The following OR14I1 variants were observed in gnomAD, a reference collection of about 807,000 sequenced individuals.
OR14I1 encodes the protein olfactory receptor 14I1.
For missense variants in OR14I1, 279 were observed against 181.8 expected (o/e 1.53, Z -3.07); for synonymous variants, 118 against 71.1 (o/e 1.66, Z -3.32).
chr1:248,682,143 G>A (rs767656857), exon 1 of OR14I1: 3 of 781,080 alleles, frequency 3.8e-6, no homozygotes, highest in Non-Finnish European at 4.8e-6. Context: ...ACATGGGTGT[G>A]TGAAGATGCT....
the OR14I1 span, among the ~76,000 whole-genome samples, chr1:248,695,998 G>A: frequency 6.6e-6 from 1 of 152,168 alleles, no homozygotes; most frequent in African/African-American, 2.4e-5. Context: ...CAACTGTGAA[G>A]GCCATCGCGA....
the OR14I1 span, among the ~76,000 whole-genome samples, chr1:248,688,914 C>A: frequency 6.6e-6 from 1 of 152,174 alleles, no homozygotes; most frequent in Non-Finnish European, 1.5e-5. Flanking sequence ...TTTGAAACTT[C>A]CATTTTTTTT....
chr1:248,683,491 T>C (rs1661595913), upstream of OR14I1, among the ~76,000 whole-genome samples: 1 of 152,240 alleles, frequency 6.6e-6, no homozygotes, highest in South Asian at 2.1e-4. Context: ...ATTTCATTAA[T>C]GATAAACTCT....
exon 1 of OR14I1, chr1:248,681,712 A>G (rs1661567617): frequency 1.3e-6 from 1 of 781,108 alleles, no homozygotes; most frequent in Non-Finnish European, 2.4e-6. Flanking sequence ...GCTCAGGGCC[A>G]GGGTCAAAAA....
At chr1:248,680,567 T>C (rs1661540356), downstream of OR14I1, among the ~76,000 whole-genome samples, 1 of 152,194 alleles carries the variant, frequency 6.6e-6, no homozygotes, top group African/African-American at 2.4e-5. Flanking sequence ...GGACTCACGC[T>C]CAGGTGTTCT....
downstream of OR14I1, among the ~76,000 whole-genome samples, chr1:248,679,988 G>A (rs1433700791): frequency 6.6e-6 from 1 of 152,138 alleles, no homozygotes; most frequent in Non-Finnish European, 1.5e-5. Context: ...TGTTTTAAAT[G>A]TACTTTCAAG....
At position 248,682,176 on chromosome 1, in the gene OR14I1, G is replaced by A. The variant is rs201240373; in HGVS notation, c.129C>T (p.Ile43=). Residue 43 remains isoleucine (I), a synonymous_variant, in exon 1 of 1, where the codon ATC becomes ATT. Transcript: ENST00000342623. ...GCTGATCGAGAGTGATGACTGCAAT[G>A]ATGAGCAGGTTCCCCACCAGCACTG... 2.9e-5 allele frequency: 23 copies of A among 781,032 alleles called. No homozygotes were observed. In the Admixed American group the frequency reaches 3.9e-4, roughly 13 times the overall value. 48.4% of individuals were successfully genotyped at this position (781,032 alleles called of 1,614,324 possible). A position where few individuals can be genotyped will look rare whatever the true frequency, so the allele number is the denominator to read the frequency against.
the OR14I1 span, among the ~76,000 whole-genome samples, chr1:248,694,859 T>G: frequency 6.6e-6 from 1 of 152,218 alleles, no homozygotes; most frequent in South Asian, 2.1e-4. Flanking sequence ...CAATTTTAAT[T>G]TACATTCATC....
the OR14I1 span, among the ~76,000 whole-genome samples, chr1:248,687,848 T>C: frequency 3.7e-4 from 56 of 152,342 alleles, no homozygotes; most frequent in African/African-American, 1.2e-3. Flanking sequence ...ATTGCACATA[T>C]GTACATACAT....
At chr1:248,682,571 C>T, upstream of OR14I1, among the ~76,000 whole-genome samples, 1 of 152,106 alleles carries the variant, frequency 6.6e-6, no homozygotes, top group Non-Finnish European at 1.5e-5. Flanking sequence ...TATGGAACTT[C>T]TCAATCTTGA....
At chr1:248,687,616 T>G in the OR14I1 span, among the ~76,000 whole-genome samples, 12 of 152,244 alleles carry the variant, frequency 7.9e-5, no homozygotes, top group African/African-American at 2.9e-4. Context: ...TAAGACAAAT[T>G]AAACTTAGCA....
rs1367449668 is a variant in OR14I1 at position 248,682,187 on chromosome 1, TC to T, written c.117del (p.Asn40ThrfsTer22). The T allele has an allele frequency of 3.8e-6, 3 of 780,858 alleles. No homozygotes were observed. The highest frequency in any genetic ancestry group is 7.2e-6 in the Non-Finnish European group (3 of 418,100). 48.4% of individuals were successfully genotyped at this position (780,858 alleles called of 1,614,324 possible). ...GTGATGACTGCAATGATGAGCAGGT[TC>T]CCCACCAGCACTGCCAGATAAATCA... On this transcript the variant is annotated frameshift_variant, in exon 1 of 1. Transcript: ENST00000342623. LOFTEE classifies it low-confidence loss of function (END_TRUNC).
the OR14I1 span, among the ~76,000 whole-genome samples, chr1:248,693,935 G>A: frequency 1.2e-4 from 18 of 152,042 alleles, no homozygotes; most frequent in Admixed American, 1.2e-3. Flanking sequence ...TGGAATATTG[G>A]GCTTAAGAGT....
At chr1:248,694,076 G>A in the OR14I1 span, among the ~76,000 whole-genome samples, 2 of 152,170 alleles carry the variant, frequency 1.3e-5, no homozygotes, top group Non-Finnish European at 2.9e-5. Context: ...TGGAGGGGCA[G>A]AGGGAGGCAT....
chr1:248,700,313 A>C, the OR14I1 span, among the ~76,000 whole-genome samples: 1 of 152,262 alleles, frequency 6.6e-6, no homozygotes, highest in Non-Finnish European at 1.5e-5. Flanking sequence ...CCTCCAATTA[A>C]AGCCAACCAA....
At chr1:248,688,855 A>G in the OR14I1 span, among the ~76,000 whole-genome samples, 1 of 152,216 alleles carries the variant, frequency 6.6e-6, no homozygotes, top group African/African-American at 2.4e-5. Context: ...TCTAAATATG[A>G]TTCAACTGTC....
chr1:248,683,039 T>C (rs1000940034), upstream of OR14I1, among the ~76,000 whole-genome samples: 2 of 152,212 alleles, frequency 1.3e-5, no homozygotes, highest in African/African-American at 4.8e-5. Flanking sequence ...TTAATATTCA[T>C]AATTGTACAA....
chr1:248,684,176 A>G (rs756567403), upstream of OR14I1, among the ~76,000 whole-genome samples: 4 of 152,282 alleles, frequency 2.6e-5, no homozygotes, highest in Admixed American at 6.5e-5. Context: ...TGAGCAAAGT[A>G]TATGAACAAG....
the OR14I1 span, among the ~76,000 whole-genome samples, chr1:248,700,706 TTTA>T: frequency 1.3e-5 from 2 of 152,210 alleles, no homozygotes; most frequent in Non-Finnish European, 2.9e-5. Context: ...CCTGAAAATT[TTTA>T]TTCTCAGTTT....
Sources: allele counts gnomAD v4.1 joint callset (sites outside exome capture counted in the v4.1 genomes callset), GRCh38; gene constraint gnomAD v4.1.1; transcripts MANE v1.5; gene names NCBI Gene and HGNC (gene_info 2026-07-23, HGNC 2026-07-21).